Variants in PDZRN4 observed in about 807,000 individuals in gnomAD.
PDZRN4 encodes PDZ domain-containing RING finger protein 4.
PDZRN4 carries 70 observed loss-of-function variants against 99.0 expected under a neutral mutation model. That is an observed-to-expected ratio of 0.71 (90% CI 0.58 to 0.86). PDZRN4 has a LOEUF of 0.86. PDZRN4 is among the 40% of genes least tolerant of loss of function. The pLI is 0.00. For missense variants in PDZRN4, 1,474 were observed against 1,331.2 expected, an observed-to-expected ratio of 1.11 and a Z score of -1.67; for synonymous variants, 551 against 501.6, an observed-to-expected ratio of 1.10 and a Z score of -1.32.
intron 3 of PDZRN4, among the ~76,000 whole-genome samples, chr12:41,323,551 G>A (rs917747976): frequency 4.0e-5 from 6 of 151,754 alleles, no homozygotes; most frequent in Admixed American, 1.3e-4. Context: ...TATTGTTCAG[G>A]CAAATAAAAG....
rs1950983197 is a variant in PDZRN4 at position 41,224,978 on chromosome 12, A to G, written c.843+30790A>G. Among the ~76,000 whole-genome samples, 4 of 152,098 alleles carry G rather than the reference A, an allele frequency of 2.6e-5. No homozygotes were observed. In the South Asian group the frequency reaches 8.3e-4, roughly 32 times the overall value. ...TGTTTTCTTAAGCATAAATCATAAT[A>G]CCTGGCCTGAAAAATAAAAATAGAA... On this transcript the variant is annotated intron_variant, in intron 3 of 9. Transcript: ENST00000402685.
chr12:41,436,453 C>T (rs1267131841), intron 3 of PDZRN4, among the ~76,000 whole-genome samples: 8 of 152,158 alleles, frequency 5.3e-5, no homozygotes, highest in Admixed American at 3.9e-4. Flanking sequence ...GACCCCAAAA[C>T]GTAGCTATTC....
chr12:41,403,248 C>T (rs1257481606), intron 3 of PDZRN4, among the ~76,000 whole-genome samples: 1 of 152,106 alleles, frequency 6.6e-6, no homozygotes, highest in East Asian at 1.9e-4. Flanking sequence ...GGGAAAATAT[C>T]TGCTCTTTTT....
chr12:41,435,140 C>G (rs534610205), intron 3 of PDZRN4, among the ~76,000 whole-genome samples: 5 of 152,214 alleles, frequency 3.3e-5, no homozygotes, highest in African/African-American at 1.2e-4. Flanking sequence ...GAGATAGAAA[C>G]ACAAGAATAG....
At chr12:41,363,728 T>C (rs1951978404) in intron 3 of PDZRN4, among the ~76,000 whole-genome samples, 1 of 72,020 alleles carries the variant, frequency 1.4e-5, no homozygotes, top group South Asian at 4.4e-4. Flanking sequence ...TGGAGATGCA[T>C]TTGCTCAGGA....
At chr12:41,271,713 G>A (rs1792058427) in intron 3 of PDZRN4, among the ~76,000 whole-genome samples, 1 of 152,080 alleles carries the variant, frequency 6.6e-6, no homozygotes, top group Non-Finnish European at 1.5e-5. Flanking sequence ...TTTGATTAAT[G>A]AACATAAATC....
At chr12:41,446,047 T>G (rs1040627539) in intron 3 of PDZRN4, among the ~76,000 whole-genome samples, 1 of 152,010 alleles carries the variant, frequency 6.6e-6, no homozygotes, top group Non-Finnish European at 1.5e-5. Context: ...TTATGAATAC[T>G]TTATTGCTTC....
intron 3 of PDZRN4, among the ~76,000 whole-genome samples, chr12:41,377,556 C>G (rs775568170): frequency 6.6e-6 from 1 of 151,770 alleles, no homozygotes; most frequent in African/African-American, 2.4e-5. Context: ...TCCAGCTACT[C>G]GGGAGGCTGA....
chr12:41,423,935 A>G (rs556934378), intron 3 of PDZRN4, among the ~76,000 whole-genome samples: 15 of 152,280 alleles, frequency 9.9e-5, no homozygotes, highest in African/African-American at 3.6e-4. Context: ...TCAGAGTTAA[A>G]CATGGTCTTG....
intron 3 of PDZRN4, among the ~76,000 whole-genome samples, chr12:41,203,191 A>G (rs1403446635): frequency 6.6e-6 from 1 of 152,044 alleles, no homozygotes. Context: ...TATAATCAAG[A>G]TGGGAAGATA....
chr12:41,253,923 G>A (rs1018832599), intron 3 of PDZRN4, among the ~76,000 whole-genome samples: 1 of 151,994 alleles, frequency 6.6e-6, no homozygotes, highest in Non-Finnish European at 1.5e-5. Flanking sequence ...ATATGGAGAA[G>A]TTAATAAAAG....
At chr12:41,479,357 G>T (rs1937638835) in intron 3 of PDZRN4, among the ~76,000 whole-genome samples, 1 of 152,064 alleles carries the variant, frequency 6.6e-6, no homozygotes, top group South Asian at 2.1e-4. Flanking sequence ...ATAGTATTAT[G>T]ATACTATGTA....
intron 3 of PDZRN4, among the ~76,000 whole-genome samples, chr12:41,303,692 A>G (rs1951551721): frequency 6.6e-6 from 1 of 152,178 alleles, no homozygotes; most frequent in Non-Finnish European, 1.5e-5. Flanking sequence ...ATGTGATTGA[A>G]AAGATTCTTG....
intron 3 of PDZRN4, among the ~76,000 whole-genome samples, chr12:41,207,665 A>G (rs1158948274): frequency 1.3e-5 from 2 of 151,904 alleles, no homozygotes. Context: ...GCTAACATTT[A>G]TAAACTCCTT....
intron 3 of PDZRN4, among the ~76,000 whole-genome samples, chr12:41,465,730 G>T (rs1952918248): frequency 6.6e-6 from 1 of 152,156 alleles, no homozygotes; most frequent in Admixed American, 6.5e-5. Context: ...GTTCACTGTG[G>T]CAGTGGAGAT....
At chr12:41,417,970 C>T (rs1036681017) in intron 3 of PDZRN4, among the ~76,000 whole-genome samples, 1 of 152,138 alleles carries the variant, frequency 6.6e-6, no homozygotes, top group African/African-American at 2.4e-5. Context: ...ATTGTTTATC[C>T]TTGCAACAAA....
rs116314702 is a variant in PDZRN4 at position 41,486,017 on chromosome 12, C to T, written c.844-20439C>T. On this transcript the variant is annotated intron_variant, in intron 3 of 9. Coordinates refer to ENST00000402685, the MANE Select transcript of PDZRN4 (RefSeq NM_001164595.2). ...TTTTCAATATTATTATGTGAAAAAT[C>T]ACAATCAATAGTTTCCAGTTTTATG... is the stretch of plus-strand genomic sequence containing the variant. 6.3e-3 allele frequency among the ~76,000 whole-genome samples: 962 copies of T among 152,134 alleles called. 9 individuals are homozygous for T. The highest frequency in any genetic ancestry group is 0.022 in the African/African-American group (915 of 41,504).
intron 3 of PDZRN4, among the ~76,000 whole-genome samples, chr12:41,312,570 T>C (rs980368709): frequency 4.6e-5 from 7 of 152,130 alleles, no homozygotes; most frequent in East Asian, 1.9e-4. Flanking sequence ...CTGGGGAGGC[T>C]TCACAACTGT....
chr12:41,202,412 A>G (rs1950822978), intron 3 of PDZRN4, among the ~76,000 whole-genome samples: 1 of 152,094 alleles, frequency 6.6e-6, no homozygotes, highest in Non-Finnish European at 1.5e-5. Context: ...AAACTTTCCC[A>G]GTCTTTTCTA....
Sources: allele counts gnomAD v4.1 joint callset (sites outside exome capture counted in the v4.1 genomes callset), GRCh38; gene constraint gnomAD v4.1.1; transcripts MANE v1.5; gene names NCBI Gene and HGNC (gene_info 2026-07-23, HGNC 2026-07-21).